The following MRAP2 variants were observed in gnomAD, a reference collection of about 807,000 sequenced individuals.
MRAP2 encodes melanocortin-2 receptor accessory protein 2.
A neutral mutation model predicts 17.4 loss-of-function variants in MRAP2; 20 were observed. That is an observed-to-expected ratio of 1.15 (90% CI 0.81 to 1.67). The LOEUF (loss-of-function observed/expected upper bound fraction) is 1.67, where lower values mean the gene tolerates loss of function less well. MRAP2 is among the 40% of genes most tolerant of loss of function. The pLI, the probability that MRAP2 is intolerant of heterozygous loss-of-function variation, is 0.00. For missense variants in MRAP2, 238 were observed against 240.0 expected (o/e 0.99, Z 0.05); for synonymous variants, 96 against 88.4 (o/e 1.09, Z -0.48).
At chr6:84,075,946 C>G (rs1292366788) in intron 3 of MRAP2, among the ~76,000 whole-genome samples, 1 of 152,164 alleles carries the variant, frequency 6.6e-6, no homozygotes, top group Admixed American at 6.5e-5. Flanking sequence ...TGGCAAAATG[C>G]AGATGTAGTG....
the MRAP2 span, among the ~76,000 whole-genome samples, chr6:84,132,300 A>G: frequency 6.6e-6 from 1 of 151,948 alleles, no homozygotes; most frequent in Non-Finnish European, 1.5e-5. Context: ...TCAACTTTGG[A>G]GAATCTGATA....
intron 3 of MRAP2, among the ~76,000 whole-genome samples, chr6:84,086,743 G>C (rs1340785375): frequency 6.6e-6 from 1 of 152,168 alleles, no homozygotes; most frequent in Admixed American, 6.5e-5. Flanking sequence ...GGCAGGAAAG[G>C]CACCTCAGAG....
the MRAP2 span, among the ~76,000 whole-genome samples, chr6:84,117,610 C>A: frequency 6.6e-6 from 1 of 150,756 alleles, no homozygotes; most frequent in East Asian, 1.9e-4. Flanking sequence ...TATCTGTCTT[C>A]AGTCTTTGAG....
chr6:84,040,408 T>A (rs1349287081), intron 1 of MRAP2, among the ~76,000 whole-genome samples: 6 of 152,342 alleles, frequency 3.9e-5, no homozygotes, highest in Admixed American at 1.3e-4. Context: ...GAGTTACTAT[T>A]AAAGATACCA....
chr6:84,063,046 A>G (rs774557413), intron 3 of MRAP2, 54 bp downstream of exon 3: 1 of 1,611,844 alleles, frequency 6.2e-7, no homozygotes, highest in Middle Eastern at 1.7e-4. Context: ...GACTGAGGAA[A>G]TAGAAACTAC....
rs138281981 is a variant in MRAP2, at chr6:84,067,633, G to C, written c.227+4641G>C. ...TTGATTTGCATTTCCCTGATCACTA[G>C]TGATGTTAAGCATTTTTTCATATAT... On this transcript the variant is annotated intron_variant, in intron 3 of 3. Transcript: ENST00000257776. Among the ~76,000 whole-genome samples the C allele has an allele frequency of 6.0e-3, 907 of 151,982 alleles. 5 individuals are homozygous for C. The highest frequency in any genetic ancestry group is 0.021 in the African/African-American group (875 of 41,440).
chr6:84,063,103 T>C, intron 3 of MRAP2, 111 bp downstream of exon 3: 1 of 1,536,052 alleles, frequency 6.5e-7, no homozygotes, highest in African/African-American at 1.4e-5. Context: ...AAGGGGGTGG[T>C]TATAGATTTG....
At chr6:84,040,074 A>G (rs925642192) in intron 1 of MRAP2, among the ~76,000 whole-genome samples, 3 of 152,214 alleles carry the variant, frequency 2.0e-5, no homozygotes, top group African/African-American at 7.2e-5. Context: ...CTGAATTCCC[A>G]TAATCCCCAT....
chr6:84,117,482 A>T, the MRAP2 span, among the ~76,000 whole-genome samples: 9,476 of 149,848 alleles, frequency 0.063, 393 homozygotes, highest in Non-Finnish European at 0.093. Context: ...GGTAGAATTC[A>T]TATGGTCCTG....
In MRAP2 at chr6:84,035,547, A is replaced by AT. The variant is rs1183735049; in HGVS notation, c.-8+1664_-8+1665insT. 6 of 425,666 alleles carry AT rather than the reference A, an allele frequency of 1.4e-5. No individual in the cohort carries two copies. In the Admixed American group the frequency reaches 3.8e-4, roughly 27 times the overall value. 26.4% of individuals were successfully genotyped at this position (425,666 alleles called of 1,614,324 possible). On this transcript the variant is annotated intron_variant, in intron 1 of 3. Transcript: ENST00000257776. ...TTAAAACATGAAAGCCAAGAGAAAG[A>AT]AAGATAAGATATCAGAGTGCATTGC...
chr6:84,046,889 C>A (rs899481269), intron 1 of MRAP2, among the ~76,000 whole-genome samples: 4 of 151,840 alleles, frequency 2.6e-5, no homozygotes, highest in African/African-American at 7.3e-5. Flanking sequence ...ACATATTCTC[C>A]CACCTGTCTA....
intron 3 of MRAP2, among the ~76,000 whole-genome samples, chr6:84,075,362 A>G (rs1484286803): frequency 1.3e-5 from 2 of 152,176 alleles, no homozygotes; most frequent in African/African-American, 4.8e-5. Context: ...AGACTGTTAT[A>G]AAGCTGACAT....
At chr6:84,138,932 C>T in the MRAP2 span, among the ~76,000 whole-genome samples, 1 of 152,176 alleles carries the variant, frequency 6.6e-6, no homozygotes. Flanking sequence ...AAAACTGACA[C>T]TTGCGTAATT....
chr6:84,109,808 G>A, the MRAP2 span, among the ~76,000 whole-genome samples: 11 of 149,168 alleles, frequency 7.4e-5, no homozygotes, highest in South Asian at 2.3e-3. Context: ...GTGTCCATGT[G>A]TTCTCGTTCT....
Position 84,055,385 on chromosome 6 carries a change from T to G in MRAP2, c.67T>G (p.Trp23Gly). The G allele has an allele frequency of 2.5e-6, 4 of 1,613,526 alleles. No homozygotes were observed. The highest frequency in any genetic ancestry group is 3.4e-6 in the Non-Finnish European group (4 of 1,179,652). ...QQSASNSDYTWEYEYYEIGPV... is the reference protein window; with the variant it reads ...QQSASNSDYTGEYEYYEIGPV... The stretch of plus-strand genomic sequence containing the variant: ...ATCGGCATCTAATTCTGATTACACC[T>G]GGGAATATGAATATTATGAGATTGG... Residue 23 changes from tryptophan (W) to glycine (G), a missense_variant, in exon 2 of 4, where the codon TGG (tryptophan) becomes GGG (glycine). Physicochemically the swap from Trp to Gly is radical, Grantham distance 184 (BLOSUM62 -2). Transcript: ENST00000257776.
intron 3 of MRAP2, among the ~76,000 whole-genome samples, chr6:84,073,110 A>G (rs1021695554): frequency 8.6e-5 from 13 of 152,030 alleles, no homozygotes. Context: ...CCCCATTCAA[A>G]TTGTTACAAA....
chr6:84,081,845 A>C (rs1374289090), intron 3 of MRAP2, among the ~76,000 whole-genome samples: 4 of 152,218 alleles, frequency 2.6e-5, no homozygotes, highest in Non-Finnish European at 5.9e-5. Context: ...TGAATGAATA[A>C]ATAAATAAAA....
intron 3 of MRAP2, among the ~76,000 whole-genome samples, chr6:84,076,367 G>A (rs1023745103): frequency 1.3e-5 from 2 of 151,998 alleles, no homozygotes; most frequent in African/African-American, 4.8e-5. Flanking sequence ...AGGATTACAG[G>A]TGCCCACAAC....
At chr6:84,102,503 A>G in the MRAP2 span, among the ~76,000 whole-genome samples, 1 of 152,348 alleles carries the variant, frequency 6.6e-6, no homozygotes, top group East Asian at 1.9e-4. Context: ...CAGAAGCTGG[A>G]AAAGGCAAGA....
Sources: gnomAD v4.1 joint callset for allele counts (sites outside exome capture counted in the v4.1 genomes callset) on GRCh38, gnomAD v4.1.1 for gene constraint, MANE v1.5 for transcripts, NCBI Gene and HGNC (gene_info 2026-07-23, HGNC 2026-07-21) for gene names.